The following HEATR5A variants were observed in gnomAD, a reference collection of about 807,000 sequenced individuals.
HEATR5A encodes the protein HEAT repeat containing 5A, also known as HEAT repeat-containing protein 5A.
HEATR5A carries 178 observed loss-of-function variants against 218.8 expected under a neutral mutation model. The observed-to-expected ratio is 0.81, with a 90% CI of 0.72 to 0.92. The LOEUF is 0.92. Among genes scored for constraint, HEATR5A ranks in the 40% least tolerant of loss-of-function variants. HEATR5A has a pLI of 0.00. For synonymous variants in HEATR5A, 864 were observed against 871.6 expected (o/e 0.99, Z 0.15); for missense variants, 2,420 against 2,418.9 (o/e 1.00, Z -0.01).
At chr14:31,382,339 A>G (rs2030024988) in intron 10 of HEATR5A, among the ~76,000 whole-genome samples, 1 of 152,178 alleles carries the variant, frequency 6.6e-6, no homozygotes, top group South Asian at 2.1e-4. Flanking sequence ...GGAATTGTTC[A>G]AGTTATGGAA....
intron 14 of HEATR5A, among the ~76,000 whole-genome samples, chr14:31,359,785 T>C (rs1158840786): frequency 6.7e-6 from 1 of 148,576 alleles, no homozygotes; most frequent in African/African-American, 2.5e-5. Flanking sequence ...GACATGTTAT[T>C]ATGGAAAATT....
chr14:31,402,011 TG>T, intron 2 of HEATR5A, among the ~76,000 whole-genome samples: 1 of 151,550 alleles, frequency 6.6e-6, no homozygotes, highest in East Asian at 1.9e-4. Flanking sequence ...TTTTGTCTTT[TG>T]TTTTTTTTTC....
At chr14:31,418,056 A>C (rs2031514359) in intron 1 of HEATR5A, among the ~76,000 whole-genome samples, 2 of 151,730 alleles carry the variant, frequency 1.3e-5, no homozygotes, top group South Asian at 4.2e-4. Flanking sequence ...AAAAATACAA[A>C]AATTAGCCTG....
Position 31,347,736 on chromosome 14 carries a change from T to A in HEATR5A, c.2868+12A>T. 6.4e-7 allele frequency: 1 copy of A among 1,557,502 alleles called. No individual in the cohort carries two copies. Among genetic ancestry groups the A allele is most frequent in the Non-Finnish European group, 8.7e-7 (1 of 1,155,712 alleles). On this transcript the variant is annotated intron_variant, in intron 19 of 35. Coordinates refer to ENST00000543095, the MANE Select transcript of HEATR5A (RefSeq NM_015473.4). ...CATGAATTTCAAGGGAAGTATCACA[T>A]GAGGTACCCACCTGCACATCAGGAG...
At position 31,358,815 on chromosome 14, in the gene HEATR5A, A is replaced by C; in HGVS notation, c.2236-3T>G. The stretch of plus-strand genomic sequence containing the variant: ...GCAACACCATTACCAAGCAGGAGCT[A>C]AAAGGGAAAAAAAGTATATAAGGTT... On this transcript the variant is annotated splice_polypyrimidine_tract_variant and splice_region_variant and intron_variant, in intron 15 of 35. Transcript: ENST00000543095. 1 of 1,612,654 alleles carries C rather than the reference A, an allele frequency of 6.2e-7. No homozygotes were observed. The highest frequency in any genetic ancestry group is 8.5e-7 in the Non-Finnish European group (1 of 1,179,542).
intron 33 of HEATR5A, among the ~76,000 whole-genome samples, chr14:31,299,062 C>G (rs570339323): frequency 1.3e-4 from 20 of 152,234 alleles, no homozygotes; most frequent in African/African-American, 4.6e-4. Flanking sequence ...TGATTTTGGT[C>G]CTCTTCTTGC....
intron 10 of HEATR5A, among the ~76,000 whole-genome samples, chr14:31,382,083 G>A (rs1009961964): frequency 6.6e-6 from 1 of 152,268 alleles, no homozygotes; most frequent in Admixed American, 6.5e-5. Flanking sequence ...AACCATTCTA[G>A]TCAAATCAGA....
chr14:31,339,571 T>A, intron 21 of HEATR5A, among the ~76,000 whole-genome samples: 1 of 151,096 alleles, frequency 6.6e-6, no homozygotes, highest in South Asian at 2.1e-4. Context: ...CATCACTGAG[T>A]AGTTTTTTGT....
rs765337203 is a variant in HEATR5A, at chr14:31,347,756, CAGG to C, written c.2857_2859del (p.Pro953del). The C allele has an allele frequency of 1.3e-6, 2 of 1,592,954 alleles. No homozygotes were observed. The highest frequency in any genetic ancestry group is 4.5e-5 in the East Asian group (2 of 44,374). ...TCACATGAGGTACCCACCTGCACAT[CAGG>C]AGAAGTGCTGTCCTGCGCCAAAGTA... On this transcript the variant is annotated inframe_deletion, in exon 19 of 36. Transcript: ENST00000543095.
intron 3 of HEATR5A, 81 bp downstream of exon 3, chr14:31,400,220 T>C: frequency 1.2e-6 from 1 of 829,370 alleles, no homozygotes; most frequent in Non-Finnish European, 1.8e-6. Context: ...TCAAAGTAAA[T>C]GTCAAGTACT....
At chr14:31,336,248 AT>A (rs1900662834) in intron 22 of HEATR5A, among the ~76,000 whole-genome samples, 1 of 83,772 alleles carries the variant, frequency 1.2e-5, no homozygotes, top group African/African-American at 6.2e-5. Context: ...ATATATATAT[AT>A]ATATATATAT....
intron 13 of HEATR5A, among the ~76,000 whole-genome samples, chr14:31,365,099 T>G (rs1901755993): frequency 6.6e-6 from 1 of 150,526 alleles, no homozygotes; most frequent in Admixed American, 6.6e-5. Flanking sequence ...GGTCTTGGAC[T>G]CCTGACCTCG....
chr14:31,334,556 TCTAA>T (rs1434967301), intron 22 of HEATR5A: 2 of 409,070 alleles, frequency 4.9e-6, no homozygotes, highest in South Asian at 1.8e-5. Context: ...AAAGTTCTAC[TCTAA>T]CTAAAATGCT....
chr14:31,348,791 T>C (rs1233755403), intron 18 of HEATR5A, among the ~76,000 whole-genome samples: 6 of 152,062 alleles, frequency 3.9e-5, no homozygotes, highest in East Asian at 1.9e-4. Flanking sequence ...TATCAAATGG[T>C]AGAGTTGGGA....
At chr14:31,413,692 C>T (rs1056261727) in intron 1 of HEATR5A, among the ~76,000 whole-genome samples, 1 of 152,062 alleles carries the variant, frequency 6.6e-6, no homozygotes, top group Non-Finnish European at 1.5e-5. Flanking sequence ...ATTTAATCCT[C>T]GTAATACTGA....
chr14:31,299,162 C>T (rs760757724), intron 33 of HEATR5A, among the ~76,000 whole-genome samples: 1 of 152,156 alleles, frequency 6.6e-6, no homozygotes, highest in Non-Finnish European at 1.5e-5. Context: ...GTATCTCTAG[C>T]CCAGACTACT....
intron 23 of HEATR5A, among the ~76,000 whole-genome samples, chr14:31,324,648 G>T (rs1301821416): frequency 1.3e-5 from 2 of 150,284 alleles, no homozygotes; most frequent in Non-Finnish European, 2.9e-5. Flanking sequence ...TGAGACACCA[G>T]GAAAATGTAA....
chr14:31,317,284 C>T (rs1259509890), intron 26 of HEATR5A, among the ~76,000 whole-genome samples: 1 of 147,858 alleles, frequency 6.8e-6, no homozygotes, highest in Non-Finnish European at 1.5e-5. Context: ...TTCAGGTCAT[C>T]CCGGGCTAGA....
At chr14:31,400,822 A>C (rs1381938983) in intron 2 of HEATR5A, among the ~76,000 whole-genome samples, 1 of 144,112 alleles carries the variant, frequency 6.9e-6, no homozygotes, top group African/African-American at 2.6e-5. Context: ...AGGCAGAGCA[A>C]ATTTGTATTA....
Sources: allele counts gnomAD v4.1 joint callset (sites outside exome capture counted in the v4.1 genomes callset), GRCh38; gene constraint gnomAD v4.1.1; transcripts MANE v1.5; gene names NCBI Gene and HGNC (gene_info 2026-07-23, HGNC 2026-07-21).